Variants in PLS3 observed in about 807,000 individuals in gnomAD.
PLS3 encodes the protein plastin-3.
In PLS3, 11 loss-of-function variants were observed where a neutral mutation model predicts 46.5. The ratio of observed to expected loss-of-function variants is 0.24; its 90% CI spans 0.15 to 0.39. PLS3 has a LOEUF of 0.39. Ranked by LOEUF, PLS3 falls within the 10% of genes least tolerant of loss-of-function variation. The probability of loss-of-function intolerance (pLI) is 1.00; values close to 1 mark genes in which losing one functional copy is unlikely to be tolerated. For synonymous variants in PLS3, 167 were observed against 162.2 expected (o/e 1.03, Z -0.22); for missense variants, 308 against 461.8 (o/e 0.67, Z 3.05).
chrX:115,586,568 A>G (rs965387499), intron 1 of PLS3, among the ~76,000 whole-genome samples: 1 of 104,875 alleles, frequency 9.5e-6, no homozygotes, highest in Non-Finnish European at 2.0e-5. Flanking sequence ...AGTCCCAGAT[A>G]CTTGGGAGGC....
At chrX:115,606,236 C>G (rs2074492972) in intron 1 of PLS3, among the ~76,000 whole-genome samples, 1 of 84,287 alleles carries the variant, frequency 1.2e-5, no homozygotes, top group African/African-American at 4.6e-5. Flanking sequence ...CTCTCAGGCT[C>G]AAGTGATTCT....
chrX:115,644,985 T>G, intron 10 of PLS3, 36 bp from the exon 11 acceptor site: 7 of 871,577 alleles, frequency 8.0e-6, no homozygotes, highest in Non-Finnish European at 1.2e-5. Flanking sequence ...ATAAAGTGTT[T>G]AATGAATCAG....
At chrX:115,639,552 C>T (rs1221158695) in intron 8 of PLS3, among the ~76,000 whole-genome samples, 1 of 111,842 alleles carries the variant, frequency 8.9e-6, no homozygotes, top group African/African-American at 3.2e-5. Flanking sequence ...CCTTCAAAGC[C>T]CAGTAACAGG....
At chrX:115,561,613 C>G (rs1393133222) in intron 1 of PLS3, among the ~76,000 whole-genome samples, 1 of 111,919 alleles carries the variant, frequency 8.9e-6, no homozygotes, top group Non-Finnish European at 1.9e-5. Context: ...CCCTGATTCC[C>G]CTCCGCGGCT....
intron 5 of PLS3, among the ~76,000 whole-genome samples, chrX:115,633,723 C>T (rs1556639746): frequency 1.8e-5 from 2 of 110,776 alleles, no homozygotes; most frequent in African/African-American, 6.6e-5. Context: ...GAACTCCTGG[C>T]CTCAAGCAGT....
chrX:115,611,350 CGTGT>C (rs377312483), intron 2 of PLS3, among the ~76,000 whole-genome samples: 14 of 111,785 alleles, frequency 1.3e-4, no homozygotes, highest in African/African-American at 3.9e-4. Context: ...CGCGCACGCG[CGTGT>C]GTGTGTGTGT....
chrX:115,565,744 G>A (rs180753243), intron 1 of PLS3, among the ~76,000 whole-genome samples: 252 of 112,299 alleles, frequency 2.2e-3, no homozygotes, highest in South Asian at 0.015. Context: ...GTGATCACCA[G>A]TGGGTTATTC....
chrX:115,614,233 T>C (rs374964599), intron 2 of PLS3: 31 of 524,693 alleles, frequency 5.9e-5, no homozygotes, highest in Middle Eastern at 1.5e-3. Flanking sequence ...CCTCCCAAAG[T>C]GCTGGGATTA....
chrX:115,642,132 G>A (rs893550871), intron 9 of PLS3, among the ~76,000 whole-genome samples: 12 of 106,079 alleles, frequency 1.1e-4, no homozygotes, highest in African/African-American at 4.1e-4. Flanking sequence ...TTCTGCCTCG[G>A]CCTCCCAAAG....
chrX:115,603,772 GAAATAAACACA>G (rs1430121464), intron 1 of PLS3, among the ~76,000 whole-genome samples: 2 of 111,193 alleles, frequency 1.8e-5, no homozygotes, highest in Non-Finnish European at 3.8e-5. Flanking sequence ...GTCTCAAAAA[GAAATAAACACA>G]TAAAGTCCAC....
At chrX:115,574,505 A>G (rs2074236159) in intron 1 of PLS3, among the ~76,000 whole-genome samples, 1 of 112,162 alleles carries the variant, frequency 8.9e-6, no homozygotes, top group African/African-American at 3.2e-5. Context: ...GAACTGCTAA[A>G]CTGTAGAGTC....
At chrX:115,579,297 T>C (rs782470155) in intron 1 of PLS3, among the ~76,000 whole-genome samples, 1 of 112,165 alleles carries the variant, frequency 8.9e-6, no homozygotes, top group East Asian at 2.8e-4. Flanking sequence ...TGTAACAAAG[T>C]TTATTTAACC....
intron 2 of PLS3, among the ~76,000 whole-genome samples, chrX:115,611,849 G>A (rs1354391100): frequency 8.9e-6 from 1 of 111,799 alleles, no homozygotes; most frequent in Non-Finnish European, 1.9e-5. Flanking sequence ...ATAGAGGAAG[G>A]AGTTAAATTG....
intron 10 of PLS3, 33 bp downstream of exon 10, chrX:115,643,541 A>C (rs1556641295): frequency 1.2e-6 from 1 of 841,386 alleles, no homozygotes; most frequent in Admixed American, 2.4e-5. Flanking sequence ...AATGTGTGGG[A>C]CTATAGAGTA....
intron 14 of PLS3, 60 bp downstream of exon 14, chrX:115,647,733 G>A: frequency 1.7e-6 from 2 of 1,144,101 alleles, no homozygotes; most frequent in Non-Finnish European, 2.4e-6. Flanking sequence ...TATCATTTGG[G>A]AAGGCAACTT....
At chrX:115,631,308 T>A (rs7064008) in intron 5 of PLS3, among the ~76,000 whole-genome samples, 2 of 108,784 alleles carry the variant, frequency 1.8e-5, no homozygotes, top group Admixed American at 2.0e-4. Context: ...AGACCTCAGG[T>A]GATCTGCCCG....
At chrX:115,569,416 T>G (rs945475069) in intron 1 of PLS3, among the ~76,000 whole-genome samples, 2 of 112,054 alleles carry the variant, frequency 1.8e-5, no homozygotes, top group Non-Finnish European at 3.8e-5. Flanking sequence ...TTTGCTGATA[T>G]GCCCTTTTAT....
intron 8 of PLS3, chrX:115,640,093 T>C: frequency 8.9e-7 from 1 of 1,119,524 alleles, no homozygotes; most frequent in South Asian, 2.0e-5. Context: ...TTTTAAATGC[T>C]TGTTTTGTCT....
chrX:115,635,300 C>A (rs781912215), intron 7 of PLS3, among the ~76,000 whole-genome samples: 1 of 110,821 alleles, frequency 9.0e-6, no homozygotes, highest in East Asian at 2.9e-4. Flanking sequence ...AAGGAGCTTT[C>A]CTGAAGTCCT....
Sources: allele counts gnomAD v4.1 joint callset (sites outside exome capture counted in the v4.1 genomes callset), GRCh38; gene constraint gnomAD v4.1.1; transcripts MANE v1.5; gene names NCBI Gene and HGNC (gene_info 2026-07-23, HGNC 2026-07-21).